AGXT2: variants seen among roughly 807,000 people sequenced by gnomAD.
The protein encoded by AGXT2 is alanine--glyoxylate aminotransferase 2, also known as alanine--glyoxylate aminotransferase 2, mitochondrial.
A neutral mutation model predicts 62.5 loss-of-function variants in AGXT2; 61 were observed. The observed-to-expected ratio is 0.98, with a 90% confidence interval of 0.79 to 1.21. The LOEUF (loss-of-function observed/expected upper bound fraction) is 1.21, where lower values mean the gene tolerates loss of function less well. Ranked by LOEUF, AGXT2 falls within the 50% of genes most tolerant of loss-of-function variation. The probability of loss-of-function intolerance (pLI) is 0.00; values close to 1 mark genes in which losing one functional copy is unlikely to be tolerated. For synonymous variants in AGXT2, 243 were observed against 218.7 expected, an observed-to-expected ratio of 1.11 and a Z score of -0.98; for missense variants, 666 against 641.5, an observed-to-expected ratio of 1.04 and a Z score of -0.41.
At position 35,010,056 on chromosome 5, in the gene AGXT2, C is replaced by A. The variant is rs199953023; in HGVS notation, c.1282G>T (p.Val428Phe). 60 of 1,614,246 alleles carry A rather than the reference C, an allele frequency of 3.7e-5. 1 individual carries two copies. The Admixed American group carries it at 9.7e-4, about 26-fold the overall frequency. ...FAKLRDEFEI[V>F]GDVRGKGLMI... ...AGACCTTTGCCTCGGACGTCTCCAA[C>A]AATTTCAAATTCATCCCGCAGCTTA... The change falls in exon 12 of 14, where the codon GTT becomes TTT. Residue 428 changes from valine (V) to phenylalanine (F), a missense_variant. By Grantham distance (50) the Val-to-Phe change is conservative. Transcript: ENST00000231420.
chr5:35,004,342 TGAG>T (rs1274125175), intron 12 of AGXT2, among the ~76,000 whole-genome samples: 1 of 152,186 alleles, frequency 6.6e-6, no homozygotes, highest in Non-Finnish European at 1.5e-5. Context: ...GTGGGACAGC[TGAG>T]GAGGGGCCGG....
At chr5:35,013,254 T>C (rs1342001778) in intron 10 of AGXT2, among the ~76,000 whole-genome samples, 1 of 152,234 alleles carries the variant, frequency 6.6e-6, no homozygotes, top group Non-Finnish European at 1.5e-5. Flanking sequence ...AGACTGTATT[T>C]GGAGATAGTG....
intron 7 of AGXT2, among the ~76,000 whole-genome samples, chr5:35,031,961 T>G (rs1156302220): frequency 6.8e-6 from 1 of 147,764 alleles, no homozygotes; most frequent in African/African-American, 2.6e-5. Flanking sequence ...TTTTTTTTTT[T>G]TTTTTTTTTG....
At chr5:35,037,257 T>A (rs1473247014) in intron 3 of AGXT2, among the ~76,000 whole-genome samples, 192 bp from the exon 4 acceptor site, 2 of 152,204 alleles carry the variant, frequency 1.3e-5, no homozygotes, top group Non-Finnish European at 2.9e-5. Context: ...TAAAAGGTAA[T>A]GAATTCCTCT....
At chr5:35,034,276 A>T (rs2112268790) in intron 5 of AGXT2, among the ~76,000 whole-genome samples, 1 of 152,194 alleles carries the variant, frequency 6.6e-6, no homozygotes, top group Middle Eastern at 3.4e-3. Flanking sequence ...TGTGTGTTGA[A>T]CCCTGGTAGT....
At position 35,010,762 on chromosome 5, in the gene AGXT2, CAAGGCT is replaced by C. The variant is rs1364864721; in HGVS notation, c.1189-619_1189-614del. Among the ~76,000 whole-genome samples, 14 of 152,260 alleles carry C rather than the reference CAAGGCT, an allele frequency of 9.2e-5. No homozygotes were observed. In the East Asian group the frequency reaches 2.7e-3, roughly 29 times the overall value. On this transcript the variant is annotated intron_variant, in intron 11 of 13. Transcript: ENST00000231420. Reference sequence around the variant, plus strand: ...GTTGAAAATGTAGATTCTGAAATCCCAAGGCTTGTTATTGTCAGGCTTTGCTGAGAA... The same window carrying C: ...GTTGAAAATGTAGATTCTGAAATCCCTGTTATTGTCAGGCTTTGCTGAGAA...
intron 1 of AGXT2, 52 bp from the exon 2 acceptor site, chr5:35,040,715 T>A (rs1168816874): frequency 7.2e-7 from 1 of 1,395,294 alleles, no homozygotes; most frequent in African/African-American, 1.4e-5. Context: ...TAGGTCTGTT[T>A]GTGAAAGTCA....
chr5:35,036,366 T>G (rs1169296227), intron 4 of AGXT2, among the ~76,000 whole-genome samples: 2 of 152,218 alleles, frequency 1.3e-5, no homozygotes, highest in Admixed American at 6.5e-5. Context: ...TATTAACTCG[T>G]TTAATGTCTA....
At chr5:35,042,734 AC>A (rs1768030320) in intron 1 of AGXT2, among the ~76,000 whole-genome samples, 1 of 131,116 alleles carries the variant, frequency 7.6e-6, no homozygotes. Flanking sequence ...GCATATGCAT[AC>A]CTGTGTGTGT....
rs188350885 is a variant in AGXT2 at position 35,015,723 on chromosome 5, G to A, written c.964-1604C>T. Among the ~76,000 whole-genome samples, 29 of 151,158 alleles carry A rather than the reference G, an allele frequency of 1.9e-4. No individual in the cohort carries two copies. The East Asian group carries it at 3.5e-3, about 18-fold the overall frequency. ...AAATTGTCTGAGTGTGGTGGCGGGA[G>A]CCTGTAGTCCCAGCTACCTGGGAGG... On this transcript the variant is annotated intron_variant, in intron 9 of 13. Coordinates refer to ENST00000231420, the MANE Select transcript of AGXT2 (RefSeq NM_031900.4).
rs1346150958 is a variant in AGXT2, at chr5:35,033,473, G to C, written c.662C>G (p.Thr221Arg). The change falls in exon 6 of 14, where the codon ACA becomes AGA. Residue 221 changes from threonine to arginine, a missense_variant. Transcript: ENST00000231420. ...CTCCAAACTCACTGGTTGGCAACCT[G>C]TCCCACCAGGGAGTTCCATCTTGTA... The part of the protein sequence containing the change: ...GTYKMELPGG[T>R]GCQPTMCPDV... 1 of 1,612,856 alleles carries C rather than the reference G, an allele frequency of 6.2e-7. No homozygotes were observed. Among genetic ancestry groups the C allele is most frequent in the Admixed American group, 1.7e-5 (1 of 60,014 alleles).
intron 9 of AGXT2, among the ~76,000 whole-genome samples, chr5:35,018,726 T>C (rs1271734524): frequency 9.0e-5 from 13 of 144,168 alleles, no homozygotes; most frequent in African/African-American, 3.1e-4. Flanking sequence ...CATAACAATA[T>C]TAACTTTAAA....
intron 4 of AGXT2, among the ~76,000 whole-genome samples, chr5:35,036,568 G>A (rs1434323555): frequency 6.6e-6 from 1 of 152,164 alleles, no homozygotes; most frequent in African/African-American, 2.4e-5. Context: ...AAAGGCTAAG[G>A]AGCGATGAGA....
rs192668491 is a variant in AGXT2, at chr5:35,005,677, A to T, written c.1339-1816T>A. Among the ~76,000 whole-genome samples, 1,047 of 150,506 alleles carry T rather than the reference A, an allele frequency of 7.0e-3. 10 individuals are homozygous for T. The highest frequency in any genetic ancestry group is 0.017 in the Middle Eastern group (5 of 294). ...ATCTTGTATGCCATCCTCAGGGAAA[A>T]AAAGCAGGGTCTGAAACTCTGCTGA... is the stretch of plus-strand genomic sequence containing the variant. On this transcript the variant is annotated intron_variant, in intron 12 of 13. Transcript: ENST00000231420.
chr5:35,047,730 C>T (rs574719465), intron 1 of AGXT2, 75 bp downstream of exon 1: 4 of 1,557,108 alleles, frequency 2.6e-6, no homozygotes, highest in Non-Finnish European at 3.5e-6. Context: ...GAATCCCAGG[C>T]AGCAGCCTTC....
chr5:35,035,443 T>TGG (rs1278368415), intron 4 of AGXT2, 127 bp from the exon 5 acceptor site: 1 of 772,430 alleles, frequency 1.3e-6, no homozygotes, highest in Non-Finnish European at 2.3e-6. Context: ...CCAGCTCGGG[T>TGG]TACCCAGCAG....
At chr5:35,022,291 C>T (rs1273860978) in intron 9 of AGXT2, among the ~76,000 whole-genome samples, 2 of 151,962 alleles carry the variant, frequency 1.3e-5, no homozygotes, top group African/African-American at 4.8e-5. Context: ...TATTGTGGCA[C>T]TATTCACAAT....
In AGXT2 at chr5:35,010,127, T is replaced by C; in HGVS notation, c.1211A>G (p.Gln404Arg). The change falls in exon 12 of 14, where the codon CAG (glutamine) becomes CGG (arginine). Residue 404 changes from glutamine (Q) to arginine (R), a missense_variant. By Grantham distance (43) the Gln-to-Arg change is conservative. Transcript: ENST00000231420. ...GGTCCCAACTTCTTGACTGTTTTCC[T>C]GTAGATTTTCTTCTTTAATCACCTG... ...VLEVIKEENL[Q>R]ENSQEVGTYM... 6.2e-7 allele frequency: 1 copy of C among 1,614,230 alleles called. No homozygotes were observed. Among genetic ancestry groups the C allele is most frequent in the Non-Finnish European group, 8.5e-7 (1 of 1,180,040 alleles).
chr5:35,023,756 TAC>T, intron 9 of AGXT2, among the ~76,000 whole-genome samples: 1 of 152,226 alleles, frequency 6.6e-6, no homozygotes, highest in East Asian at 1.9e-4. Flanking sequence ...TTGCCTGTGG[TAC>T]ACCAGGGACA....
Sources: allele counts gnomAD v4.1 joint callset (sites outside exome capture counted in the v4.1 genomes callset), GRCh38; gene constraint gnomAD v4.1.1; transcripts MANE v1.5; gene names NCBI Gene and HGNC (gene_info 2026-07-23, HGNC 2026-07-21).